ARHGAP26: variants seen among roughly 807,000 people sequenced by gnomAD.
The protein encoded by ARHGAP26 is Rho GTPase activating protein 26.
Under a neutral mutation model 104.8 loss-of-function variants are expected in ARHGAP26, and 38 were observed. The ratio of observed to expected loss-of-function variants is 0.36; its 90% CI spans 0.28 to 0.48. The LOEUF is 0.48. Ranked by LOEUF, ARHGAP26 falls within the 20% of genes least tolerant of loss-of-function variation. ARHGAP26 has a pLI of 0.99. For missense variants in ARHGAP26, 704 were observed against 947.9 expected, an observed-to-expected ratio of 0.74 and a Z score of 3.38; for synonymous variants, 341 against 340.0, an observed-to-expected ratio of 1.00 and a Z score of -0.03.
chr5:143,132,636 C>G (rs1797482263), intron 18 of ARHGAP26, among the ~76,000 whole-genome samples: 1 of 151,922 alleles, frequency 6.6e-6, no homozygotes, highest in Non-Finnish European at 1.5e-5. Context: ...TGTGTGTTAA[C>G]ATTAACTGGA....
At chr5:143,000,560 A>G (rs781395206) in intron 11 of ARHGAP26, among the ~76,000 whole-genome samples, 12 of 152,266 alleles carry the variant, frequency 7.9e-5, no homozygotes, top group Admixed American at 1.3e-4. Flanking sequence ...AAATCATTCT[A>G]TAAAGACACA....
intron 6 of ARHGAP26, among the ~76,000 whole-genome samples, chr5:142,901,549 G>C (rs976757777): frequency 1.3e-5 from 2 of 152,194 alleles, no homozygotes; most frequent in African/African-American, 4.8e-5. Context: ...CAGAACCCTG[G>C]TCTTTGGTTT....
intron 11 of ARHGAP26, among the ~76,000 whole-genome samples, chr5:142,993,713 C>T (rs1775981270): frequency 6.6e-6 from 1 of 152,202 alleles, no homozygotes; most frequent in South Asian, 2.1e-4. Flanking sequence ...ATGATCACAG[C>T]ACATTGCAGC....
At chr5:143,148,099 T>C (rs900714848) in intron 20 of ARHGAP26, among the ~76,000 whole-genome samples, 13 of 152,242 alleles carry the variant, frequency 8.5e-5, no homozygotes, top group Admixed American at 4.6e-4. Flanking sequence ...CTAGCGCCTT[T>C]GCAGAAAGAA....
At chr5:143,147,206 G>A (rs1262737828) in intron 19 of ARHGAP26, 25 bp from the exon 20 acceptor site, 1 of 1,610,374 alleles carries the variant, frequency 6.2e-7, no homozygotes, top group Non-Finnish European at 8.5e-7. Flanking sequence ...ATATTAATAT[G>A]GGACTTGTGG....
chr5:142,840,928 T>A (rs1429176150), intron 1 of ARHGAP26, among the ~76,000 whole-genome samples: 2 of 152,220 alleles, frequency 1.3e-5, no homozygotes, highest in Non-Finnish European at 2.9e-5. Flanking sequence ...CAGCAGACAG[T>A]AAACACATGG....
intron 11 of ARHGAP26, among the ~76,000 whole-genome samples, chr5:142,933,421 A>G (rs923121641): frequency 1.3e-5 from 2 of 152,230 alleles, no homozygotes; most frequent in Admixed American, 6.5e-5. Context: ...CAAGTAGCAC[A>G]GATAGTAAAT....
intron 20 of ARHGAP26, among the ~76,000 whole-genome samples, chr5:143,201,375 CTT>C (rs1240981521): frequency 2.0e-5 from 3 of 152,158 alleles, no homozygotes; most frequent in Non-Finnish European, 4.4e-5. Context: ...ATTTTCTCCT[CTT>C]TTAATTGTTT....
intron 17 of ARHGAP26, among the ~76,000 whole-genome samples, chr5:143,092,202 C>T (rs1412369024): frequency 2.3e-5 from 3 of 128,562 alleles, no homozygotes; most frequent in Non-Finnish European, 4.7e-5. Context: ...GTCTCCCTCT[C>T]GCCCAGGCTG....
chr5:142,839,924 G>C (rs1241651254), intron 1 of ARHGAP26, among the ~76,000 whole-genome samples: 1 of 151,638 alleles, frequency 6.6e-6, no homozygotes, highest in Non-Finnish European at 1.5e-5. Flanking sequence ...GGAGGGGAGA[G>C]AGAGACTGAG....
At chr5:142,820,395 A>C (rs1283287477) in intron 1 of ARHGAP26, among the ~76,000 whole-genome samples, 1 of 152,214 alleles carries the variant, frequency 6.6e-6, no homozygotes, top group Non-Finnish European at 1.5e-5. Flanking sequence ...TTCCCTGATC[A>C]GTCATTTTGT....
intron 17 of ARHGAP26, among the ~76,000 whole-genome samples, chr5:143,101,299 A>G (rs1324016665): frequency 6.6e-6 from 1 of 152,072 alleles, no homozygotes; most frequent in Non-Finnish European, 1.5e-5. Flanking sequence ...CGAGTGTGTC[A>G]TTTCTCTTTC....
intron 17 of ARHGAP26, among the ~76,000 whole-genome samples, chr5:143,090,320 A>G (rs997775703): frequency 6.6e-6 from 1 of 152,262 alleles, no homozygotes; most frequent in African/African-American, 2.4e-5. Context: ...TGCTGTGCGC[A>G]CAAGCATAAC....
intron 14 of ARHGAP26, among the ~76,000 whole-genome samples, chr5:143,050,145 C>A (rs1021880576): frequency 6.6e-6 from 1 of 152,174 alleles, no homozygotes; most frequent in Non-Finnish European, 1.5e-5. Context: ...ACATTGTTTC[C>A]CCAGCTGGAT....
chr5:143,167,913 A>G (rs568073991), intron 20 of ARHGAP26, among the ~76,000 whole-genome samples: 1 of 152,320 alleles, frequency 6.6e-6, no homozygotes, highest in South Asian at 2.1e-4. Context: ...ATGTAAACAC[A>G]TTAAAGATGA....
At chr5:143,220,967 A>G (rs748882736) in intron 22 of ARHGAP26, among the ~76,000 whole-genome samples, 18 of 152,226 alleles carry the variant, frequency 1.2e-4, no homozygotes, top group Admixed American at 6.5e-5. Context: ...TCAGGAAGTC[A>G]TTTAATTAGC....
At position 143,226,530 on chromosome 5, in the gene ARHGAP26, G is replaced by A; in HGVS notation, c.*4084G>A. On this transcript the variant is annotated 3_prime_UTR_variant, in exon 23 of 23. Coordinates refer to ENST00000645722, the MANE Select transcript of ARHGAP26 (RefSeq NM_001135608.3). Reference sequence around the variant, plus strand: ...AAGAATGCCATGCCAGGAGAAGACAGCTGGTTTCAAATCCCTGCCCCCAGG... The same window carrying A: ...AAGAATGCCATGCCAGGAGAAGACAACTGGTTTCAAATCCCTGCCCCCAGG... The A allele has an allele frequency of 5.2e-6, 1 of 194,122 alleles. No individual in the cohort carries two copies. Among genetic ancestry groups the A allele is most frequent in the Non-Finnish European group, 1.1e-5 (1 of 93,648 alleles). 12.0% of individuals were successfully genotyped at this position (194,122 alleles called of 1,614,324 possible).
chr5:143,067,411 A>G (rs1787659587), intron 17 of ARHGAP26, among the ~76,000 whole-genome samples: 1 of 152,182 alleles, frequency 6.6e-6, no homozygotes, highest in Admixed American at 6.5e-5. Context: ...GTATTAATCT[A>G]TACTCTAAAG....
intron 17 of ARHGAP26, chr5:143,103,320 A>G (rs1270257178): frequency 5.1e-6 from 4 of 786,868 alleles, no homozygotes; most frequent in Non-Finnish European, 6.2e-6. Context: ...ATGTGGAGAA[A>G]TAGGAACGAT....
Sources: gnomAD v4.1 joint callset for allele counts (sites outside exome capture counted in the v4.1 genomes callset) on GRCh38, gnomAD v4.1.1 for gene constraint, MANE v1.5 for transcripts, NCBI Gene and HGNC (gene_info 2026-07-23, HGNC 2026-07-21) for gene names.